The following SAMD4A variants were observed in gnomAD, a reference collection of about 807,000 sequenced individuals.
SAMD4A encodes the protein protein Smaug homolog 1.
SAMD4A carries 33 observed loss-of-function variants against 81.3 expected under a neutral mutation model. The observed-to-expected ratio is 0.41, with a 90% confidence interval of 0.31 to 0.54. The LOEUF is 0.54. Ranked by LOEUF, SAMD4A falls within the 20% of genes least tolerant of loss-of-function variation. SAMD4A has a pLI of 0.37. For missense variants in SAMD4A, 854 were observed against 951.1 expected, an observed-to-expected ratio of 0.90 and a Z score of 1.34; for synonymous variants, 389 against 382.1, an observed-to-expected ratio of 1.02 and a Z score of -0.21.
rs200055016 is a variant in SAMD4A, at chr14:54,751,498, G to T, written c.1137G>T (p.Lys379Asn). 3.7e-6 allele frequency: 6 copies of T among 1,609,680 alleles called. No individual in the cohort carries two copies. Among genetic ancestry groups the T allele is most frequent in the Non-Finnish European group, 5.1e-6 (6 of 1,177,206 alleles). ...ARHKIVISIQ[K>N]LKERQNLLKS... The stretch of plus-strand genomic sequence containing the variant: ...ACAAAATTGTCATCAGTATTCAGAA[G>T]CTCAAAGAAAGACAAAATCTCCTGA... The change falls in exon 6 of 13, where the codon AAG becomes AAT. Residue 379 changes from lysine (K) to asparagine (N), a missense_variant. This residue lies in a region of SAMD4A where 39 missense variants were observed against 74.1 expected (regional missense o/e 0.53). Transcript: ENST00000554335.
intron 2 of SAMD4A, among the ~76,000 whole-genome samples, chr14:54,592,892 G>A (rs2033817252): frequency 6.6e-6 from 1 of 152,110 alleles, no homozygotes; most frequent in East Asian, 1.9e-4. Context: ...GTTTATGCGT[G>A]TTTTTAACAA....
At chr14:54,763,762 A>C (rs879894077) in intron 7 of SAMD4A, among the ~76,000 whole-genome samples, 4 of 152,122 alleles carry the variant, frequency 2.6e-5, no homozygotes, top group Non-Finnish European at 5.9e-5. Context: ...TCACCTCTAC[A>C]ATGAGACCAG....
chr14:54,710,468 A>T (rs537198908), intron 3 of SAMD4A, among the ~76,000 whole-genome samples: 10 of 152,308 alleles, frequency 6.6e-5, no homozygotes, highest in Non-Finnish European at 1.5e-4. Flanking sequence ...TGTGACCAAC[A>T]TCACAGACCT....
chr14:54,595,444 A>G (rs914661990), intron 2 of SAMD4A, among the ~76,000 whole-genome samples: 1 of 148,304 alleles, frequency 6.7e-6, no homozygotes, highest in Non-Finnish European at 1.5e-5. Flanking sequence ...TATAATATAT[A>G]AAAAATATAT....
At chr14:54,628,210 A>G (rs562905523) in intron 2 of SAMD4A, among the ~76,000 whole-genome samples, 4 of 152,192 alleles carry the variant, frequency 2.6e-5, no homozygotes, top group Non-Finnish European at 5.9e-5. Flanking sequence ...AAATCCAAAT[A>G]TAGGGCCCTG....
chr14:54,643,601 C>A (rs565190740), intron 2 of SAMD4A, among the ~76,000 whole-genome samples: 1 of 152,192 alleles, frequency 6.6e-6, no homozygotes, highest in Non-Finnish European at 1.5e-5. Context: ...CTAGATATTT[C>A]CCTTTCAGCC....
Position 54,575,939 on chromosome 14 carries a change from G to A in SAMD4A, c.196+7827G>A, listed in dbSNP as rs190637562. On this transcript the variant is annotated intron_variant, in intron 2 of 12. Coordinates refer to ENST00000554335, the MANE Select transcript of SAMD4A (RefSeq NM_015589.6). ...TTTTTGAATATGCTGAAATTTCCAG[G>A]CACTCTAGCGATCAGTGTCTTATGG... Among the ~76,000 whole-genome samples, 130 of 148,946 alleles carry A rather than the reference G, an allele frequency of 8.7e-4. 1 individual carries two copies. The Middle Eastern group carries it at 0.011, about 13-fold the overall frequency.
chr14:54,682,660 G>A (rs1249373996), intron 2 of SAMD4A, among the ~76,000 whole-genome samples: 2 of 152,150 alleles, frequency 1.3e-5, no homozygotes, highest in Non-Finnish European at 2.9e-5. Context: ...AGTCTCCAAG[G>A]TGTTCGCTCT....
chr14:54,647,936 A>G (rs2035320312), intron 2 of SAMD4A, among the ~76,000 whole-genome samples: 1 of 152,244 alleles, frequency 6.6e-6, no homozygotes, highest in Non-Finnish European at 1.5e-5. Context: ...TGATAAATGT[A>G]TGGGGGATAA....
At chr14:54,627,449 C>G (rs1304683019) in intron 2 of SAMD4A, among the ~76,000 whole-genome samples, 1 of 152,192 alleles carries the variant, frequency 6.6e-6, no homozygotes, top group Non-Finnish European at 1.5e-5. Context: ...TCCTGAATAT[C>G]TAGCACACAG....
chr14:54,742,576 G>A (rs2037871850), intron 4 of SAMD4A, among the ~76,000 whole-genome samples: 1 of 152,112 alleles, frequency 6.6e-6, no homozygotes, highest in Non-Finnish European at 1.5e-5. Context: ...CCATAGATTT[G>A]GGCTCCTAGG....
intron 9 of SAMD4A, among the ~76,000 whole-genome samples, chr14:54,770,463 T>C (rs2038671207): frequency 6.6e-6 from 1 of 152,242 alleles, no homozygotes; most frequent in Non-Finnish European, 1.5e-5. Flanking sequence ...GTCAAAATGA[T>C]GGTAATAGTC....
At position 54,702,326 on chromosome 14, in the gene SAMD4A, C is replaced by G. The variant is rs1313744216; in HGVS notation, c.461C>G (p.Thr154Arg). 2 of 1,612,950 alleles carry G rather than the reference C, an allele frequency of 1.2e-6. No homozygotes were observed. Among genetic ancestry groups the G allele is most frequent in the South Asian group, 2.2e-5 (2 of 91,014 alleles). ...AMWLNHLEDRTSTSFGGQNRG... is the reference protein window; with the variant it reads ...AMWLNHLEDRRSTSFGGQNRG... Reference sequence around the variant, plus strand: ...TGGCTGAATCACTTGGAGGACCGCACGTCGACCAGCTTTGGTGGCCAGAAC... The same window carrying G: ...TGGCTGAATCACTTGGAGGACCGCAGGTCGACCAGCTTTGGTGGCCAGAAC... The change falls in exon 3 of 13, where the codon ACG (threonine) becomes AGG (arginine). Residue 154 changes from threonine to arginine, a missense_variant. By Grantham distance (71) the Thr-to-Arg change is moderately conservative. Around this residue, in one of 3 missense-constraint regions of SAMD4A, gnomAD observed 387 missense variants for 405.8 expected, o/e 0.95. Coordinates refer to ENST00000554335, the MANE Select transcript of SAMD4A (RefSeq NM_015589.6).
intron 3 of SAMD4A, among the ~76,000 whole-genome samples, chr14:54,735,756 G>A (rs2037676019): frequency 6.6e-6 from 1 of 152,182 alleles, no homozygotes; most frequent in Non-Finnish European, 1.5e-5. Flanking sequence ...AATCTGCCCA[G>A]GCCTTTATGT....
chr14:54,574,079 A>C (rs1281586303), intron 2 of SAMD4A, among the ~76,000 whole-genome samples: 4 of 152,350 alleles, frequency 2.6e-5, no homozygotes, highest in Admixed American at 6.5e-5. Flanking sequence ...ATTTGGTAAG[A>C]AAGTGGGACT....
chr14:54,576,414 A>T (rs1350063975), intron 2 of SAMD4A, among the ~76,000 whole-genome samples: 2 of 152,206 alleles, frequency 1.3e-5, no homozygotes, highest in Non-Finnish European at 2.9e-5. Context: ...CCTCAAGATA[A>T]ATAAACTTGT....
intron 8 of SAMD4A, among the ~76,000 whole-genome samples, chr14:54,767,667 G>A (rs931858367): frequency 6.6e-6 from 1 of 152,224 alleles, no homozygotes. Flanking sequence ...TGGGCATGAA[G>A]CCTTCCCTTC....
intron 2 of SAMD4A, chr14:54,688,285 G>A (rs2036332081): frequency 5.1e-6 from 5 of 985,284 alleles, no homozygotes; most frequent in Non-Finnish European, 4.8e-6. Context: ...CGGTTCTCCG[G>A]AGCAACCGTT....
intron 3 of SAMD4A, among the ~76,000 whole-genome samples, chr14:54,705,158 A>T (rs1191341026): frequency 2.0e-5 from 3 of 150,618 alleles, no homozygotes; most frequent in East Asian, 3.9e-4. Flanking sequence ...TGCAGCAGCA[A>T]CAGTAAGCAC....
Sources: gnomAD v4.1 joint callset for allele counts (sites outside exome capture counted in the v4.1 genomes callset) on GRCh38, gnomAD v4.1.1 for gene constraint, gnomAD v4.1.1 regional missense constraint, MANE v1.5 for transcripts, NCBI Gene and HGNC (gene_info 2026-07-23, HGNC 2026-07-21) for gene names.